The following LAMA5 variants were observed in gnomAD, a reference collection of about 807,000 sequenced individuals.
LAMA5 encodes the protein laminin subunit alpha 5.
A neutral mutation model predicts 433.4 loss-of-function variants in LAMA5; 260 were observed. The observed-to-expected ratio is 0.60, with a 90% CI of 0.54 to 0.66. The LOEUF (loss-of-function observed/expected upper bound fraction) is 0.66. LAMA5 is among the 30% of genes least tolerant of loss of function. The pLI, the probability that LAMA5 is intolerant of heterozygous loss-of-function variation, is 0.00. For synonymous variants in LAMA5, 2,620 were observed against 2,226.6 expected, an observed-to-expected ratio of 1.18 and a Z score of -4.97; for missense variants, 5,378 against 5,258.5, an observed-to-expected ratio of 1.02 and a Z score of -0.70.
In LAMA5 at chr20:62,366,970, G is replaced by A; in HGVS notation, c.276C>T (p.Gly92=). 1 of 1,273,976 alleles carries A rather than the reference G, an allele frequency of 7.8e-7. No homozygotes were observed. The highest frequency in any genetic ancestry group is 1.5e-5 in the African/African-American group (1 of 65,914). 78.9% of individuals were successfully genotyped at this position (1,273,976 alleles called of 1,614,324 possible). A position where few individuals can be genotyped will look rare whatever the true frequency, so the allele number is the denominator to read the frequency against. ...TCACCCGGATGGTCTGGTTGGGGTC[G>A]CCGCCGGCCACGGGGCCCCCTACCA... The part of the protein sequence containing the change: ...CKLVGGPVAG[G]DPNQTIRGQY... The change falls in exon 1 of 80, where the codon GGC becomes GGT. Residue 92 remains glycine (G), a synonymous_variant. Transcript: ENST00000252999.
chr20:62,357,243 C>A (rs1985370552), intron 2 of LAMA5, among the ~76,000 whole-genome samples: 1 of 152,210 alleles, frequency 6.6e-6, no homozygotes, highest in Non-Finnish European at 1.5e-5. Context: ...CCCCGGCAGC[C>A]TGGATCACAG....
intron 11 of LAMA5, among the ~76,000 whole-genome samples, chr20:62,339,663 G>GT (rs1982279123): frequency 6.6e-6 from 1 of 152,192 alleles, no homozygotes; most frequent in African/African-American, 2.4e-5. Flanking sequence ...TGTCAAAAAT[G>GT]TAAGAGTAAC....
chr20:62,310,095 A>G lies in LAMA5; in HGVS notation c.10735-14T>C, dbSNP rs545201955. On this transcript the variant is annotated splice_polypyrimidine_tract_variant and intron_variant, in intron 77 of 79. Transcript: ENST00000252999. ...CCGCAGCAGGACCTGGCGGGGTAGG[A>G]AGGGAGGGTCAGGCTATGCCCCCGA... The G allele has an allele frequency of 2.0e-5, 33 of 1,610,798 alleles. No homozygotes were observed. In the African/African-American group the frequency reaches 2.9e-4, roughly 14 times the overall value.
In LAMA5 at chr20:62,313,030, T is replaced by G. The variant is rs769255631; in HGVS notation, c.8956-20A>C. The G allele has an allele frequency of 6.3e-7, 1 of 1,590,422 alleles. No homozygotes were observed. Among genetic ancestry groups the G allele is most frequent in the Non-Finnish European group, 8.6e-7 (1 of 1,166,886 alleles). The stretch of plus-strand genomic sequence containing the variant: ...CTGGCTCTGCAGAAACAGGGCAGGG[T>G]TAGTGTGGGGCAGGGTCAGTGCAAG... On this transcript the variant is annotated intron_variant, in intron 65 of 79. Transcript: ENST00000252999.
rs368144472 is a variant in LAMA5 at position 62,312,679 on chromosome 20, G to A, written c.9180C>T (p.Ala3060=). The A allele has an allele frequency of 8.1e-5, 131 of 1,607,524 alleles. No individual in the cohort carries two copies. The East Asian group carries it at 8.5e-4, about 10-fold the overall frequency. The change falls in exon 67 of 80, where the codon GCC becomes GCT. Residue 3060 remains alanine, a synonymous_variant. Transcript: ENST00000252999. ...SVEQDNDLEL[A]DAYYLGGVPP... ...GCACGCCCCCCAGGTAGTAGGCGTC[G>A]GCCAGCTCCAGATCATTGTCCTGCT...
intron 79 of LAMA5, 70 bp downstream of exon 79, chr20:62,309,646 A>AGGGGGCAGGGGGTGGAG: frequency 3.7e-6 from 1 of 271,110 alleles, no homozygotes; most frequent in Non-Finnish European, 5.6e-6. Flanking sequence ...GGGTGGGGGG[A>AGGGGGCAGGGGGTGGAG]GGGTGGTAGG....
chr20:62,363,389 G>A (rs1319436428), intron 1 of LAMA5, among the ~76,000 whole-genome samples: 1 of 152,210 alleles, frequency 6.6e-6, no homozygotes, highest in Non-Finnish European at 1.5e-5. Flanking sequence ...ACCGTGAGGA[G>A]TAATGGCTCA....
chr20:62,316,916 C>T lies in LAMA5; in HGVS notation c.7619G>A (p.Gly2540Asp), dbSNP rs771167407. The change falls in exon 56 of 80, where the codon GGC becomes GAC. Residue 2540 changes from glycine (G) to aspartate (D), a missense_variant. Coordinates refer to ENST00000252999, the MANE Select transcript of LAMA5 (RefSeq NM_005560.6). ...QAVQAAEDAAGQALQQADHTW... is the reference protein window; with the variant it reads ...QAVQAAEDAADQALQQADHTW... ...GTGGTCCGCCTGCTGCAGGGCCTGGCCAGCAGCATCCTCGGCAGCCTGCAC... is the reference window on the plus strand; with the variant it reads ...GTGGTCCGCCTGCTGCAGGGCCTGGTCAGCAGCATCCTCGGCAGCCTGCAC... 1.3e-6 allele frequency: 2 copies of T among 1,545,132 alleles called. No individual in the cohort carries two copies. Among genetic ancestry groups the T allele is most frequent in the African/African-American group, 1.4e-5 (1 of 73,918 alleles).
chr20:62,334,646 G>A, intron 20 of LAMA5, 25 bp from the exon 21 acceptor site: 1 of 1,533,840 alleles, frequency 6.5e-7, no homozygotes, highest in Non-Finnish European at 8.8e-7. Flanking sequence ...TGGGAGGTCA[G>A]AGGCTGCCTG....
intron 11 of LAMA5, among the ~76,000 whole-genome samples, chr20:62,344,792 A>T (rs998781858): frequency 6.5e-5 from 9 of 138,926 alleles, no homozygotes; most frequent in Admixed American, 2.8e-4. Flanking sequence ...CAGCATAATT[A>T]AAAAAAAAAA....
At chr20:62,339,861 G>C (rs1024827728) in intron 11 of LAMA5, among the ~76,000 whole-genome samples, 3 of 152,220 alleles carry the variant, frequency 2.0e-5, no homozygotes, top group African/African-American at 7.2e-5. Context: ...AGGCAAGGAC[G>C]ATCGTGGGGC....
At chr20:62,346,289 T>A in intron 9 of LAMA5, 74 bp from the exon 10 acceptor site, 1 of 1,537,852 alleles carries the variant, frequency 6.5e-7, no homozygotes, top group African/African-American at 1.4e-5. Context: ...TGTGGCAGTC[T>A]CTACCTCCCC....
chr20:62,364,462 C>T (rs1228589526), intron 1 of LAMA5, among the ~76,000 whole-genome samples: 2 of 152,214 alleles, frequency 1.3e-5, no homozygotes, highest in Non-Finnish European at 2.9e-5. Flanking sequence ...CCTGGGCCAG[C>T]GTTGGTCCAG....
At chr20:62,360,638 G>GTGGGTGGGTGGGTGGAGGGATAGA (rs1568989508) in intron 2 of LAMA5, among the ~76,000 whole-genome samples, 1 of 96,612 alleles carries the variant, frequency 1.0e-5, no homozygotes, top group Admixed American at 1.0e-4. Flanking sequence ...GGATAGATGG[G>GTGGGTGGGTGGGTGGAGGGATAGA]TGGGTGGGTG....
At chr20:62,315,396 G>T (rs1488745078) in intron 58 of LAMA5, among the ~76,000 whole-genome samples, 189 bp from the exon 59 acceptor site, 1 of 151,968 alleles carries the variant, frequency 6.6e-6, no homozygotes, top group East Asian at 1.9e-4. Flanking sequence ...CCCCCTCCAT[G>T]CCAGGACAGG....
At chr20:62,363,659 G>A (rs1986406926) in intron 1 of LAMA5, among the ~76,000 whole-genome samples, 1 of 152,184 alleles carries the variant, frequency 6.6e-6, no homozygotes, top group East Asian at 1.9e-4. Flanking sequence ...GGTTGATTGA[G>A]GCCCCAGAGG....
chr20:62,333,780 G>A (rs1413716729), intron 23 of LAMA5, 74 bp from the exon 24 acceptor site: 4 of 1,485,200 alleles, frequency 2.7e-6, no homozygotes, highest in Non-Finnish European at 3.6e-6. Flanking sequence ...CTACAGGGTT[G>A]GGGATAGGCT....
chr20:62,312,359 T>A, intron 68 of LAMA5, 41 bp downstream of exon 68: 1 of 1,601,672 alleles, frequency 6.2e-7, no homozygotes. Context: ...TGCCCCTGCA[T>A]GTCCACAGAT....
At chr20:62,319,093 C>T in intron 51 of LAMA5, 80 bp from the exon 52 acceptor site, 1 of 1,385,130 alleles carries the variant, frequency 7.2e-7, no homozygotes, top group Non-Finnish European at 9.5e-7. Context: ...GCCCAAGACC[C>T]CAGCCCTGCC....
Sources: allele counts gnomAD v4.1 joint callset (sites outside exome capture counted in the v4.1 genomes callset), GRCh38; gene constraint gnomAD v4.1.1; transcripts MANE v1.5; gene names NCBI Gene and HGNC (gene_info 2026-07-23, HGNC 2026-07-21).